The following SLC8A1 variants were observed in gnomAD, a reference collection of about 807,000 sequenced individuals.
SLC8A1 encodes the protein solute carrier family 8 member A1.
SLC8A1 carries 18 observed loss-of-function variants against 68.3 expected under a neutral mutation model. That is an observed-to-expected ratio of 0.26 (90% confidence interval 0.18 to 0.39). SLC8A1 has a LOEUF of 0.39. Ranked by LOEUF, SLC8A1 falls within the 10% of genes least tolerant of loss-of-function variation. SLC8A1 has a pLI of 1.00. For synonymous variants in SLC8A1, 475 were observed against 415.5 expected, an observed-to-expected ratio of 1.14 and a Z score of -1.74; for missense variants, 985 against 1,156.7, an observed-to-expected ratio of 0.85 and a Z score of 2.15.
intron 2 of SLC8A1, among the ~76,000 whole-genome samples, chr2:40,276,184 C>G (rs1387900968): frequency 6.6e-6 from 1 of 152,182 alleles, no homozygotes; most frequent in Non-Finnish European, 1.5e-5. Flanking sequence ...TAATGATCAG[C>G]TGCTTTGCCT....
intron 2 of SLC8A1, among the ~76,000 whole-genome samples, chr2:40,421,649 C>T (rs1204174953): frequency 1.3e-5 from 2 of 152,118 alleles, no homozygotes; most frequent in Non-Finnish European, 2.9e-5. Flanking sequence ...TCGTTCTTAC[C>T]TTCATATCTT....
chr2:40,211,209 T>C (rs1274577087), intron 2 of SLC8A1, among the ~76,000 whole-genome samples: 2 of 152,222 alleles, frequency 1.3e-5, no homozygotes, highest in African/African-American at 4.8e-5. Flanking sequence ...TTACTGTGCA[T>C]ACTCATGAGA....
intron 2 of SLC8A1, among the ~76,000 whole-genome samples, chr2:40,291,928 C>T (rs1175669030): frequency 4.0e-5 from 6 of 148,924 alleles, no homozygotes; most frequent in Admixed American, 2.7e-4. Context: ...TTTAACACCA[C>T]GAGCTCTAAA....
At chr2:40,444,435 C>T (rs1033372502) in intron 1 of SLC8A1, among the ~76,000 whole-genome samples, 2 of 152,100 alleles carry the variant, frequency 1.3e-5, no homozygotes, top group Non-Finnish European at 2.9e-5. Context: ...CATTTCAAAC[C>T]CAAATATCTC....
intron 2 of SLC8A1, among the ~76,000 whole-genome samples, chr2:40,369,556 C>T (rs1224734772): frequency 6.6e-6 from 1 of 152,068 alleles, no homozygotes; most frequent in Non-Finnish European, 1.5e-5. Context: ...TTACTGTACT[C>T]CAGTCAAATC....
chr2:40,350,423 A>G (rs1053201990), intron 2 of SLC8A1, among the ~76,000 whole-genome samples: 4 of 151,974 alleles, frequency 2.6e-5, no homozygotes, highest in Non-Finnish European at 4.4e-5. Flanking sequence ...TGACGCTGCA[A>G]TGAACTGTGA....
At chr2:40,363,880 G>C (rs889719171) in intron 2 of SLC8A1, among the ~76,000 whole-genome samples, 4 of 152,032 alleles carry the variant, frequency 2.6e-5, no homozygotes, top group African/African-American at 9.7e-5. Flanking sequence ...GTTTACGCAA[G>C]ACGTTTTTCC....
chr2:40,404,878 T>G (rs560406959), intron 2 of SLC8A1, among the ~76,000 whole-genome samples: 2 of 152,176 alleles, frequency 1.3e-5, no homozygotes, highest in Non-Finnish European at 2.9e-5. Flanking sequence ...ACAAGCTACA[T>G]ACAAGCAATT....
At chr2:40,181,268 A>G (rs1386962832) in intron 2 of SLC8A1, among the ~76,000 whole-genome samples, 1 of 152,114 alleles carries the variant, frequency 6.6e-6, no homozygotes, top group Non-Finnish European at 1.5e-5. Context: ...CCTATTTTCT[A>G]TACTCTAAGT....
chr2:40,367,589 G>A (rs1237184735), intron 2 of SLC8A1, among the ~76,000 whole-genome samples: 2 of 151,848 alleles, frequency 1.3e-5, no homozygotes, highest in Non-Finnish European at 2.9e-5. Context: ...TCTCAAGTGA[G>A]ACAAACGTAC....
At chr2:40,219,305 A>T (rs886562134) in intron 2 of SLC8A1, among the ~76,000 whole-genome samples, 1 of 152,220 alleles carries the variant, frequency 6.6e-6, no homozygotes, top group African/African-American at 2.4e-5. Context: ...AAAATTCAGA[A>T]ACTGGCTGAG....
At chr2:40,314,245 T>C (rs1453594271) in intron 2 of SLC8A1, among the ~76,000 whole-genome samples, 1 of 152,098 alleles carries the variant, frequency 6.6e-6, no homozygotes, top group Non-Finnish European at 1.5e-5. Flanking sequence ...GAAGCATTTG[T>C]TCTGCACAGA....
Position 40,122,229 on chromosome 2 carries a change from T to TGCGC in SLC8A1, c.2438-6604_2438-6601dup, listed in dbSNP as rs757797937. ...GCGCACACACACACACACACACGTG[T>TGCGC]GCGCGCGCACACACACACACACACT... On this transcript the variant is annotated intron_variant, in intron 7 of 7. Transcript: ENST00000406785. Among the ~76,000 whole-genome samples the TGCGC allele has an allele frequency of 1.9e-4, 28 of 149,702 alleles. 1 individual carries two copies. The highest frequency in any genetic ancestry group is 4.2e-4 in the South Asian group (2 of 4,728).
chr2:40,250,288 T>A (rs753374693), intron 2 of SLC8A1: 1 of 152,182 alleles, frequency 6.6e-6, no homozygotes, highest in African/African-American at 2.4e-5. Flanking sequence ...CTTAACATGT[T>A]TGAATTTCAG....
chr2:40,282,091 C>T (rs560775158), intron 2 of SLC8A1, among the ~76,000 whole-genome samples: 6 of 152,274 alleles, frequency 3.9e-5, no homozygotes, highest in African/African-American at 1.4e-4. Flanking sequence ...ATTGTGTCCT[C>T]TCCTTCTAAT....
At chr2:40,162,092 C>G (rs2045789918) in intron 5 of SLC8A1, among the ~76,000 whole-genome samples, 1 of 152,164 alleles carries the variant, frequency 6.6e-6, no homozygotes, top group Admixed American at 6.5e-5. Flanking sequence ...CCAACTGGCT[C>G]ACTCTGTATT....
chr2:40,501,856 C>G (rs1315480351), intron 1 of SLC8A1, among the ~76,000 whole-genome samples: 1 of 151,940 alleles, frequency 6.6e-6, no homozygotes, highest in African/African-American at 2.4e-5. Context: ...GCAGAGTGTC[C>G]CAGGTCTCAG....
chr2:40,133,702 C>A (rs980967567), intron 7 of SLC8A1, among the ~76,000 whole-genome samples: 40 of 42,164 alleles, frequency 9.5e-4, no homozygotes, highest in Admixed American at 2.0e-3. Context: ...GGGCAAAAAT[C>A]CCCCCCCCCC....
chr2:40,510,753 T>C (rs1289847219), intron 1 of SLC8A1, among the ~76,000 whole-genome samples: 1 of 152,166 alleles, frequency 6.6e-6, no homozygotes, highest in African/African-American at 2.4e-5. Flanking sequence ...TTAAGTAAAA[T>C]AGCCTATTTT....
Sources: allele counts gnomAD v4.1 joint callset (sites outside exome capture counted in the v4.1 genomes callset), GRCh38; gene constraint gnomAD v4.1.1; transcripts MANE v1.5; gene names NCBI Gene and HGNC (gene_info 2026-07-23, HGNC 2026-07-21).